The following TBCK variants were observed in gnomAD, a reference collection of about 807,000 sequenced individuals.
TBCK encodes TBC1 domain containing kinase.
Under a neutral mutation model 113.4 loss-of-function variants are expected in TBCK, and 99 were observed. That is an observed-to-expected ratio of 0.87 (90% confidence interval 0.74 to 1.03). TBCK has a LOEUF of 1.03. TBCK is among the 50% of genes least tolerant of loss of function. The pLI is 0.00. For missense variants in TBCK, 1,045 were observed against 1,061.3 expected, an observed-to-expected ratio of 0.98 and a Z score of 0.21; for synonymous variants, 369 against 370.8, an observed-to-expected ratio of 1.00 and a Z score of 0.05.
chr4:106,290,437 A>C (rs914933173), intron 3 of TBCK, among the ~76,000 whole-genome samples: 1 of 152,134 alleles, frequency 6.6e-6, no homozygotes. Context: ...TGGCCTCCCA[A>C]AGTGCTGGGA....
In TBCK at chr4:106,166,893, G is replaced by A. The variant is rs541059792; in HGVS notation, c.2235+4202C>T. The stretch of plus-strand genomic sequence containing the variant: ...ATAAACACTCAAATACAGAAAAGAT[G>A]GTACAATAATTGTCTCAATAAAGAG... On this transcript the variant is annotated intron_variant, in intron 23 of 25. Transcript: ENST00000394708. 3.4e-4 allele frequency among the ~76,000 whole-genome samples: 52 copies of A among 150,798 alleles called. No individual in the cohort carries two copies. In the South Asian group the frequency reaches 0.01, roughly 30 times the overall value.
intron 23 of TBCK, among the ~76,000 whole-genome samples, chr4:106,126,997 G>A (rs1447527406): frequency 2.0e-5 from 3 of 151,850 alleles, no homozygotes; most frequent in Non-Finnish European, 2.9e-5. Flanking sequence ...ATCACAAGGT[G>A]AGGAGATCGA....
At chr4:106,295,944 T>C (rs1165266111) in intron 2 of TBCK, among the ~76,000 whole-genome samples, 1 of 152,160 alleles carries the variant, frequency 6.6e-6, no homozygotes, top group East Asian at 1.9e-4. Context: ...TATAAATTCA[T>C]TGGGAAAAAA....
At chr4:106,092,642 G>C (rs1273418040) in intron 25 of TBCK, among the ~76,000 whole-genome samples, 1 of 152,248 alleles carries the variant, frequency 6.6e-6, no homozygotes, top group Non-Finnish European at 1.5e-5. Flanking sequence ...CTGCTGGCCT[G>C]AGTGCTAAGC....
chr4:106,083,111 G>A (rs1233951317), intron 25 of TBCK, among the ~76,000 whole-genome samples: 2 of 152,244 alleles, frequency 1.3e-5, no homozygotes, highest in Non-Finnish European at 2.9e-5. Flanking sequence ...GCTACCTGCT[G>A]TCTAAGCCAT....
chr4:106,159,918 A>G (rs1419496919), intron 23 of TBCK, among the ~76,000 whole-genome samples: 1 of 152,066 alleles, frequency 6.6e-6, no homozygotes, highest in Middle Eastern at 3.2e-3. Context: ...TGATACTGGC[A>G]TAAAGGCAGA....
intron 15 of TBCK, 85 bp from the exon 16 acceptor site, chr4:106,233,735 C>G (rs1759141378): frequency 8.6e-7 from 1 of 1,166,010 alleles, no homozygotes; most frequent in Non-Finnish European, 1.2e-6. Context: ...TTACAAATAT[C>G]TATCTTTGGA....
chr4:106,180,332 T>G (rs79116887), intron 22 of TBCK, among the ~76,000 whole-genome samples: 6,852 of 152,122 alleles, frequency 0.045, 512 homozygotes, highest in African/African-American at 0.15. Context: ...TTTTATCCTC[T>G]CTTAAAGTCT....
At chr4:106,054,648 T>G (rs1178155697) in intron 25 of TBCK, among the ~76,000 whole-genome samples, 2 of 151,758 alleles carry the variant, frequency 1.3e-5, no homozygotes, top group African/African-American at 4.8e-5. Flanking sequence ...CCTAGAACAG[T>G]GACTGCTAGT....
At chr4:106,212,634 T>G in intron 20 of TBCK, 116 bp downstream of exon 20, 1 of 653,114 alleles carries the variant, frequency 1.5e-6, no homozygotes, top group Admixed American at 2.7e-5. Flanking sequence ...TTAGTAGCAG[T>G]AACTTGTTCA....
intron 23 of TBCK, among the ~76,000 whole-genome samples, chr4:106,155,432 T>C (rs1749009858): frequency 6.6e-6 from 1 of 152,186 alleles, no homozygotes. Context: ...TAATTATCAC[T>C]CATTAACATC....
chr4:106,094,002 G>T (rs61008564), intron 25 of TBCK, among the ~76,000 whole-genome samples: 6,275 of 152,172 alleles, frequency 0.041, 437 homozygotes, highest in African/African-American at 0.14. Context: ...TGCATGTGTG[G>T]GGTAGTGGTA....
At chr4:106,127,206 CAA>C (rs35461999) in intron 23 of TBCK, among the ~76,000 whole-genome samples, 3,191 of 65,288 alleles carry the variant, frequency 0.049, 75 homozygotes, top group East Asian at 0.32. Context: ...GACTCCGTCT[CAA>C]AAAAAAAAAA....
At chr4:106,081,627 C>T (rs1331665437) in intron 25 of TBCK, among the ~76,000 whole-genome samples, 1 of 152,060 alleles carries the variant, frequency 6.6e-6, no homozygotes, top group Non-Finnish European at 1.5e-5. Context: ...ACACACTTAC[C>T]TGTGTAACAA....
chr4:106,101,098 G>C (rs1208170083), intron 24 of TBCK, among the ~76,000 whole-genome samples: 1 of 152,108 alleles, frequency 6.6e-6, no homozygotes, highest in Non-Finnish European at 1.5e-5. Flanking sequence ...AAGACTGTGA[G>C]CTTCTGGTGG....
intron 25 of TBCK, among the ~76,000 whole-genome samples, chr4:106,063,161 T>G (rs1276961979): frequency 1.3e-5 from 2 of 151,934 alleles, no homozygotes; most frequent in Non-Finnish European, 2.9e-5. Context: ...TAATCTAATA[T>G]AAACCTACAG....
At chr4:106,125,372 A>C (rs1235235778) in intron 23 of TBCK, among the ~76,000 whole-genome samples, 1 of 152,206 alleles carries the variant, frequency 6.6e-6, no homozygotes, top group Non-Finnish European at 1.5e-5. Flanking sequence ...ATTAATATAC[A>C]CAATGAATTA....
intron 25 of TBCK, among the ~76,000 whole-genome samples, chr4:106,090,336 G>C (rs182466481): frequency 6.6e-6 from 1 of 152,204 alleles, no homozygotes. Flanking sequence ...GCTGTGCAGG[G>C]AAGTGGGGTC....
rs544569244 is a variant in TBCK at position 106,248,287 on chromosome 4, A to G, written c.740T>C (p.Ile247Thr). ...DIIKELPETV[I>T]DLLNKCLTFH... is the part of the protein sequence containing the mutation. Reference sequence around the variant, plus strand: ...GGTAAGGCACTTATTCAAAAGATCTATCACAGTTTCAGGAAGCTCCTGGTA... The same window carrying G: ...GGTAAGGCACTTATTCAAAAGATCTGTCACAGTTTCAGGAAGCTCCTGGTA... The change falls in exon 9 of 26, where the codon ATA (isoleucine) becomes ACA (threonine). Residue 247 changes from isoleucine (I) to threonine (T), a missense_variant. By Grantham distance (89) the Ile-to-Thr change is moderately conservative. Transcript: ENST00000394708. The G allele has an allele frequency of 5.0e-6, 8 of 1,593,666 alleles. No homozygotes were observed. The South Asian group carries it at 9.2e-5, about 18-fold the overall frequency.
Sources: allele counts gnomAD v4.1 joint callset (sites outside exome capture counted in the v4.1 genomes callset), GRCh38; gene constraint gnomAD v4.1.1; transcripts MANE v1.5; gene names NCBI Gene and HGNC (gene_info 2026-07-23, HGNC 2026-07-21).